Variants in ZSWIM4 observed in about 807,000 individuals in gnomAD.
ZSWIM4 encodes zinc finger SWIM-type containing 4.
Under a neutral mutation model 102.5 loss-of-function variants are expected in ZSWIM4, and 62 were observed. That is an observed-to-expected ratio of 0.60 (90% CI 0.49 to 0.75). ZSWIM4 has a LOEUF of 0.75. Among genes scored for constraint, ZSWIM4 ranks in the 30% least tolerant of loss-of-function variants. The probability of loss-of-function intolerance (pLI) is 0.00; values close to 1 mark genes in which losing one functional copy is unlikely to be tolerated. For synonymous variants in ZSWIM4, 652 were observed against 674.5 expected (o/e 0.97, Z 0.52); for missense variants, 1,280 against 1,529.6 (o/e 0.84, Z 2.72).
intron 10 of ZSWIM4, among the ~76,000 whole-genome samples, chr19:13,822,048 T>G (rs1975478503): frequency 6.6e-6 from 1 of 152,026 alleles, no homozygotes; most frequent in Non-Finnish European, 1.5e-5. Context: ...GTTTAAAAAT[T>G]TTTTTTGTAA....
chr19:13,830,168 T>A (rs778391315), intron 13 of ZSWIM4, 23 bp from the exon 14 acceptor site: 1 of 1,598,068 alleles, frequency 6.3e-7, no homozygotes, highest in Non-Finnish European at 8.5e-7. Flanking sequence ...CCTGACGGAT[T>A]TCCCTCCCTC....
At chr19:13,821,096 C>T (rs931939490) in intron 10 of ZSWIM4, among the ~76,000 whole-genome samples, 2 of 152,124 alleles carry the variant, frequency 1.3e-5, no homozygotes, top group African/African-American at 4.8e-5. Flanking sequence ...CCAGCCTGGC[C>T]AACATAGTGA....
At chr19:13,801,972 AATT>A (rs1286875996) in intron 2 of ZSWIM4, among the ~76,000 whole-genome samples, 2 of 82,790 alleles carry the variant, frequency 2.4e-5, no homozygotes, top group Admixed American at 1.3e-4. Context: ...CCCAGCTTAG[AATT>A]TTTTTTTTTT....
chr19:13,813,357 G>A (rs1426555832), intron 6 of ZSWIM4, among the ~76,000 whole-genome samples, 193 bp downstream of exon 6: 1 of 152,220 alleles, frequency 6.6e-6, no homozygotes, highest in Non-Finnish European at 1.5e-5. Flanking sequence ...AAGGGCAGGA[G>A]CAATGGCAGC....
rs374825232 is a variant in ZSWIM4, at chr19:13,813,183, T to C, written c.1180+19T>C. ...GCCCCAGGTAGGAGAGAGGGGTCTT[T>C]ACCATGCCCCCCAAAAACCATCACC... is the stretch of plus-strand genomic sequence containing the variant. On this transcript the variant is annotated intron_variant, in intron 6 of 13. Coordinates refer to ENST00000590508, the MANE Select transcript of ZSWIM4 (RefSeq NM_001367834.3). 1.3e-6 allele frequency: 2 copies of C among 1,589,690 alleles called. No homozygotes were observed. The highest frequency in any genetic ancestry group is 1.7e-5 in the Admixed American group (1 of 58,488).
At chr19:13,818,895 G>T (rs569579192) in intron 9 of ZSWIM4, among the ~76,000 whole-genome samples, 1,244 of 120,816 alleles carry the variant, frequency 0.01, 19 homozygotes, top group African/African-American at 0.039. Context: ...ACGGAGTCTC[G>T]CTCTGTCTCC....
intron 13 of ZSWIM4, 53 bp downstream of exon 13, chr19:13,828,779 A>G: frequency 6.5e-7 from 1 of 1,547,900 alleles, no homozygotes; most frequent in East Asian, 2.3e-5. Context: ...GGTTCTGCAG[A>G]GCGCACTGAG....
chr19:13,818,868 C>CTT (rs35655398), intron 9 of ZSWIM4, among the ~76,000 whole-genome samples: 1,981 of 131,212 alleles, frequency 0.015, 67 homozygotes, highest in African/African-American at 0.051. Context: ...CCTGCCTCCT[C>CTT]TTTTTTTTTT....
chr19:13,796,154 A>C (rs1248470977), intron 1 of ZSWIM4, among the ~76,000 whole-genome samples: 12 of 105,480 alleles, frequency 1.1e-4, no homozygotes, highest in East Asian at 5.3e-4. Flanking sequence ...CTTATCCCCC[A>C]ACGGTACCCC....
chr19:13,814,713 T>C lies in ZSWIM4; in HGVS notation c.1379T>C (p.Leu460Pro). The C allele has an allele frequency of 7.8e-7, 1 of 1,288,256 alleles. No individual in the cohort carries two copies. The highest frequency in any genetic ancestry group is 1.0e-6 in the Non-Finnish European group (1 of 987,708). The allele number at this position is 1,288,256 out of a possible 1,614,324, so 79.8% of individuals were successfully genotyped here. Residue 460 changes from leucine to proline, a missense_variant, in exon 7 of 14, where the codon CTG (leucine) becomes CCG (proline). Transcript: ENST00000590508. ...TFDPQGRPLW[L>P]GEPFPTACAR... ...GACCCCCAGGGCCGCCCACTGTGGC[T>C]GGGAGAACCTTTCCCCACTGCCTGT...
At chr19:13,816,760 C>G (rs1975299761) in intron 7 of ZSWIM4, among the ~76,000 whole-genome samples, 1 of 152,170 alleles carries the variant, frequency 6.6e-6, no homozygotes, top group South Asian at 2.1e-4. Flanking sequence ...GCTTGGAGGA[C>G]GAGGCTGGAG....
intron 12 of ZSWIM4, among the ~76,000 whole-genome samples, chr19:13,826,954 G>T (rs1332021109): frequency 6.6e-6 from 1 of 152,066 alleles, no homozygotes; most frequent in Non-Finnish European, 1.5e-5. Flanking sequence ...ACAGGTAAGG[G>T]GCGGGGCCTC....
intron 13 of ZSWIM4, among the ~76,000 whole-genome samples, chr19:13,829,963 T>A (rs1975712330): frequency 6.6e-6 from 1 of 152,062 alleles, no homozygotes; most frequent in South Asian, 2.1e-4. Context: ...CAGGCTAATG[T>A]GGCTGCAGGG....
At chr19:13,801,129 C>T (rs1264340258) in intron 2 of ZSWIM4, among the ~76,000 whole-genome samples, 5 of 142,500 alleles carry the variant, frequency 3.5e-5, no homozygotes, top group South Asian at 2.2e-4. Context: ...GGTTACAGAG[C>T]GAGATGCTAT....
chr19:13,805,102 GGC>G lies in ZSWIM4; in HGVS notation c.667_668del (p.Ala223Ter). The G allele has an allele frequency of 6.2e-7, 1 of 1,603,338 alleles. No homozygotes were observed. The highest frequency in any genetic ancestry group is 8.5e-7 in the Non-Finnish European group (1 of 1,179,886). On this transcript the variant is annotated frameshift_variant, in exon 3 of 14. Transcript: ENST00000590508. LOFTEE classifies it high-confidence loss of function. ...AGGTGCTGCCCACTGCTCAGCGCTT[GGC>G]TGATGAGATCCTCCTGCTGGGCTCC... ...TEVLPTAQRL[A>X]DEILLLGSEI...
chr19:13,795,617 C>A lies in ZSWIM4; in HGVS notation c.-32C>A. On this transcript the variant is annotated 5_prime_UTR_variant, in exon 1 of 14. Coordinates refer to ENST00000590508, the MANE Select transcript of ZSWIM4 (RefSeq NM_001367834.3). ...CATCGGACCGAGCCCCCCAAAGAGG[C>A]CCCGCCCCGGCCCTGGCCCCGGCCG... 2.8e-6 allele frequency: 1 copy of A among 360,542 alleles called. No individual in the cohort carries two copies. Among genetic ancestry groups the A allele is most frequent in the Non-Finnish European group, 4.4e-6 (1 of 227,474 alleles). The allele number at this position is 360,542 out of a possible 1,614,324, so 22.3% of individuals were successfully genotyped here.
At chr19:13,827,613 GAAAAA>G (rs931579367) in intron 12 of ZSWIM4, among the ~76,000 whole-genome samples, 30 of 140,934 alleles carry the variant, frequency 2.1e-4, no homozygotes, top group African/African-American at 7.8e-4. Flanking sequence ...AAAAAGAAAA[GAAAAA>G]AAAAGAAACT....
In ZSWIM4 at chr19:13,813,559, G is replaced by A. The variant is rs76967650; in HGVS notation, c.1180+395G>A. On this transcript the variant is annotated intron_variant, in intron 6 of 13. Transcript: ENST00000590508. ...AGGCAGAGATGGATGGAGAGAGGGA[G>A]AGGCAGACAGAGGAGCAGATAGGAA... is the stretch of plus-strand genomic sequence containing the variant. 4.6e-4 allele frequency among the ~76,000 whole-genome samples: 70 copies of A among 152,044 alleles called. No individual in the cohort carries two copies. In the East Asian group the frequency reaches 0.013, roughly 28 times the overall value.
intron 10 of ZSWIM4, 51 bp downstream of exon 10, chr19:13,819,543 G>C: frequency 6.5e-7 from 1 of 1,539,118 alleles, no homozygotes; most frequent in South Asian, 1.2e-5. Context: ...GGGAAGAGGG[G>C]CGGGCATGGG....
Sources: gnomAD v4.1 joint callset for allele counts (sites outside exome capture counted in the v4.1 genomes callset) on GRCh38, gnomAD v4.1.1 for gene constraint, MANE v1.5 for transcripts, NCBI Gene and HGNC (gene_info 2026-07-23, HGNC 2026-07-21) for gene names.